DPP10: variants seen among roughly 807,000 people sequenced by gnomAD.
The protein encoded by DPP10 is inactive dipeptidyl peptidase 10.
A neutral mutation model predicts 120.9 loss-of-function variants in DPP10; 33 were observed. The observed-to-expected ratio is 0.27, with a 90% CI of 0.21 to 0.37. The LOEUF is 0.37. Ranked by LOEUF, DPP10 falls within the 10% of genes least tolerant of loss-of-function variation. The pLI is 1.00. For synonymous variants in DPP10, 337 were observed against 326.1 expected, an observed-to-expected ratio of 1.03 and a Z score of -0.36; for missense variants, 816 against 942.8, an observed-to-expected ratio of 0.87 and a Z score of 1.76.
intron 5 of DPP10, among the ~76,000 whole-genome samples, chr2:115,573,581 CTTT>C (rs767336910): frequency 4.3e-5 from 3 of 70,268 alleles, no homozygotes; most frequent in South Asian, 5.2e-4. Flanking sequence ...TGCGCCCGGC[CTTT>C]TTTTTTTTTT....
rs114748198 is a variant in DPP10, at chr2:114,468,030, A to G, written c.60+25192A>G. On this transcript the variant is annotated intron_variant, in intron 1 of 25. Transcript: ENST00000410059. ...AGTGATACACCATCTTAGTAATAATAATAATGGTAATAGTAATAAAAGTGA... is the reference window on the plus strand; with the variant it reads ...AGTGATACACCATCTTAGTAATAATGATAATGGTAATAGTAATAAAAGTGA... Among the ~76,000 whole-genome samples, 1,377 of 152,206 alleles carry G rather than the reference A, an allele frequency of 9.0e-3. 15 individuals carry two copies. The highest frequency in any genetic ancestry group is 0.031 in the African/African-American group (1,296 of 41,528).
intron 1 of DPP10, among the ~76,000 whole-genome samples, chr2:115,135,364 C>T (rs1420095497): frequency 6.6e-6 from 1 of 152,042 alleles, no homozygotes; most frequent in Admixed American, 6.6e-5. Flanking sequence ...TATCTACCTT[C>T]TTGCATACTG....
intron 1 of DPP10, among the ~76,000 whole-genome samples, chr2:114,757,409 GGAAGGAAGGAAGGAAA>G (rs1380842463): frequency 1.3e-5 from 2 of 149,450 alleles, no homozygotes; most frequent in Non-Finnish European, 3.0e-5. Flanking sequence ...AGAGAGAGAG[GGAAGGAAGGAAGGAAA>G]GAAGGAAGGA....
At chr2:114,541,986 T>G (rs1686987811) in intron 1 of DPP10, among the ~76,000 whole-genome samples, 1 of 151,896 alleles carries the variant, frequency 6.6e-6, no homozygotes, top group South Asian at 2.1e-4. Context: ...TGGGAGATTT[T>G]TTTTAAAAAA....
At chr2:115,137,906 A>G (rs2050731767) in intron 1 of DPP10, among the ~76,000 whole-genome samples, 1 of 152,202 alleles carries the variant, frequency 6.6e-6, no homozygotes, top group South Asian at 2.1e-4. Context: ...ACCAGGTCAC[A>G]TTTGGCTAAG....
chr2:115,722,335 C>T (rs1026962445), intron 7 of DPP10, among the ~76,000 whole-genome samples: 8 of 151,614 alleles, frequency 5.3e-5, no homozygotes, highest in Admixed American at 5.3e-4. Flanking sequence ...TTCTGTACCC[C>T]ACTGTACCTC....
chr2:114,653,658 T>C (rs536511491), intron 1 of DPP10, among the ~76,000 whole-genome samples: 17 of 152,272 alleles, frequency 1.1e-4, no homozygotes, highest in African/African-American at 2.9e-4. Context: ...TGTCCTTCAA[T>C]AAGATAGAGC....
chr2:115,285,491 A>C (rs1006257844), intron 1 of DPP10, among the ~76,000 whole-genome samples: 4 of 152,080 alleles, frequency 2.6e-5, no homozygotes, highest in Non-Finnish European at 5.9e-5. Flanking sequence ...AATGTGTGCA[A>C]GTTACACCGG....
intron 1 of DPP10, among the ~76,000 whole-genome samples, chr2:114,820,772 G>A (rs190953541): frequency 3.6e-4 from 55 of 152,224 alleles, no homozygotes; most frequent in Admixed American, 9.8e-4. Flanking sequence ...AGTTCCCTTC[G>A]ACAAAACATG....
chr2:114,722,620 C>G (rs937626557), intron 1 of DPP10, among the ~76,000 whole-genome samples: 3 of 151,438 alleles, frequency 2.0e-5, no homozygotes, highest in Non-Finnish European at 2.9e-5. Context: ...ACTAAAAATA[C>G]AAAAAATTAG....
intron 5 of DPP10, among the ~76,000 whole-genome samples, chr2:115,591,818 T>C (rs1435202096): frequency 6.6e-6 from 1 of 152,234 alleles, no homozygotes; most frequent in Non-Finnish European, 1.5e-5. Flanking sequence ...GTTTGTGTTC[T>C]GTTTTATTTT....
At chr2:115,621,321 A>G (rs2084927773) in intron 5 of DPP10, among the ~76,000 whole-genome samples, 2 of 152,196 alleles carry the variant, frequency 1.3e-5, no homozygotes, top group Non-Finnish European at 2.9e-5. Context: ...AAAATATTAC[A>G]TTTTTAATTA....
Position 115,762,563 on chromosome 2 carries a change from T to G in DPP10, c.1075-9T>G. The G allele has an allele frequency of 1.2e-6, 2 of 1,613,608 alleles. No homozygotes were observed. ...TAGATGCTTCATGGAGTTAATTGTT[T>G]TGTTTCAGAAATATGAGATGACATC... On this transcript the variant is annotated splice_polypyrimidine_tract_variant and intron_variant, in intron 11 of 25. Coordinates refer to ENST00000410059, the MANE Select transcript of DPP10 (RefSeq NM_020868.6).
rs1689549843 is a variant in DPP10 at position 115,836,545 on chromosome 2, A to G, written c.2089A>G (p.Lys697Glu). Residue 697 changes from lysine to glutamate, a missense_variant, in exon 23 of 26, where the codon AAG becomes GAG. Around this residue, in one of 3 missense-constraint regions of DPP10, gnomAD observed 592 missense variants for 649.0 expected, o/e 0.91. Transcript: ENST00000410059. ...TGAAAGATACCTTGGGATGCCATCT[A>G]AGGAAGAAAGCACTTACCAGGTAAC... is the stretch of plus-strand genomic sequence containing the variant. ...FSERYLGMPS[K>E]EESTYQAASV... 1 of 1,613,666 alleles carries G rather than the reference A, an allele frequency of 6.2e-7. No homozygotes were observed. Among genetic ancestry groups the G allele is most frequent in the South Asian group, 1.1e-5 (1 of 91,008 alleles).
At chr2:114,551,386 G>T (rs1687875028) in intron 1 of DPP10, among the ~76,000 whole-genome samples, 1 of 152,258 alleles carries the variant, frequency 6.6e-6, no homozygotes, top group African/African-American at 2.4e-5. Context: ...AGTGATCAAG[G>T]CTATAATTTT....
chr2:115,696,987 A>T (rs1318199078), intron 7 of DPP10, among the ~76,000 whole-genome samples: 3 of 152,154 alleles, frequency 2.0e-5, no homozygotes, highest in Non-Finnish European at 4.4e-5. Context: ...TTTGAATGTT[A>T]TTGAGGTTAA....
chr2:115,647,550 TTAAC>T lies in DPP10; in HGVS notation c.442-42136_442-42133del, dbSNP rs1483917232. Among the ~76,000 whole-genome samples, 3 of 151,954 alleles carry T rather than the reference TTAAC, an allele frequency of 2.0e-5. No homozygotes were observed. The East Asian group carries it at 5.8e-4, about 29-fold the overall frequency. ...GAAATAGTACATGGTAAAAAAAAAATTAACAAACAAAGGACTGGGTAACATGACT... is the reference window on the plus strand; with the variant it reads ...GAAATAGTACATGGTAAAAAAAAAATAAACAAAGGACTGGGTAACATGACT... On this transcript the variant is annotated intron_variant, in intron 5 of 25. Coordinates refer to ENST00000410059, the MANE Select transcript of DPP10 (RefSeq NM_020868.6).
At chr2:114,721,882 C>G (rs1001242162) in intron 1 of DPP10, among the ~76,000 whole-genome samples, 1 of 152,182 alleles carries the variant, frequency 6.6e-6, no homozygotes, top group Non-Finnish European at 1.5e-5. Flanking sequence ...TCTGCCACTT[C>G]CTATCTGGGC....
At chr2:115,433,459 G>A (rs995174701) in intron 3 of DPP10, among the ~76,000 whole-genome samples, 1 of 151,972 alleles carries the variant, frequency 6.6e-6, no homozygotes, top group African/African-American at 2.4e-5. Flanking sequence ...ATGTACATGT[G>A]TGTGTGTGCA....
Sources: gnomAD v4.1 joint callset for allele counts (sites outside exome capture counted in the v4.1 genomes callset) on GRCh38, gnomAD v4.1.1 for gene constraint, gnomAD v4.1.1 regional missense constraint, MANE v1.5 for transcripts, NCBI Gene and HGNC (gene_info 2026-07-23, HGNC 2026-07-21) for gene names.